Variants in PRSS23 observed in about 807,000 individuals in gnomAD.
The protein encoded by PRSS23 is protease, serine 23.
PRSS23 carries 25 observed loss-of-function variants against 34.7 expected under a neutral mutation model. The observed-to-expected ratio is 0.72, with a 90% CI of 0.53 to 1.01. PRSS23 has a LOEUF of 1.01. Among genes scored for constraint, PRSS23 ranks in the 50% least tolerant of loss-of-function variants. The pLI, the probability that PRSS23 is intolerant of heterozygous loss-of-function variation, is 0.00. For missense variants in PRSS23, 445 were observed against 475.6 expected, an observed-to-expected ratio of 0.94 and a Z score of 0.60; for synonymous variants, 176 against 186.6, an observed-to-expected ratio of 0.94 and a Z score of 0.46.
chr11:86,803,650 T>C (rs72969425), intron 1 of PRSS23, among the ~76,000 whole-genome samples: 13,404 of 152,148 alleles, frequency 0.088, 824 homozygotes, highest in Non-Finnish European at 0.12. Flanking sequence ...AGGAGGGTTG[T>C]TTCCCCCTCA....
chr11:86,855,740 A>T (rs1948565410), intron 2 of PRSS23, among the ~76,000 whole-genome samples: 1 of 152,158 alleles, frequency 6.6e-6, no homozygotes, highest in Admixed American at 6.5e-5. Flanking sequence ...GCCTCAAGTG[A>T]TCCGTCTGAT....
intron 2 of PRSS23, among the ~76,000 whole-genome samples, chr11:86,900,412 G>T (rs933090936): frequency 1.3e-5 from 2 of 152,180 alleles, no homozygotes; most frequent in Non-Finnish European, 2.9e-5. Context: ...TTTCTTAAAT[G>T]CATATCTGAT....
chr11:86,856,879 T>C (rs1948575155), intron 2 of PRSS23, among the ~76,000 whole-genome samples: 1 of 151,932 alleles, frequency 6.6e-6, no homozygotes, highest in Admixed American at 6.6e-5. Flanking sequence ...AAACAAAGGA[T>C]CCCAGAATAC....
At chr11:86,806,912 G>A (rs992621359) in intron 1 of PRSS23, among the ~76,000 whole-genome samples, 2 of 152,170 alleles carry the variant, frequency 1.3e-5, no homozygotes, top group Non-Finnish European at 2.9e-5. Flanking sequence ...TCCTGGTAGT[G>A]TACAACATAA....
chr11:86,924,044 T>C (rs1255436503), intron 2 of PRSS23, among the ~76,000 whole-genome samples: 1 of 152,158 alleles, frequency 6.6e-6, no homozygotes, highest in Non-Finnish European at 1.5e-5. Flanking sequence ...GCTTGGTAGA[T>C]CATTGACACC....
intron 2 of PRSS23, chr11:86,932,941 C>CA (rs1208516020): frequency 2.0e-5 from 3 of 152,184 alleles, no homozygotes; most frequent in Non-Finnish European, 4.4e-5. Context: ...CAAAAGTGGA[C>CA]AAAATCACAC....
At chr11:86,952,054 A>C (rs747424675) in exon 3 of PRSS23, 1 of 1,614,136 alleles carries the variant, frequency 6.2e-7, no homozygotes, top group Non-Finnish European at 8.5e-7. Context: ...CTGTGAAGGC[A>C]GTGGAGATGA....
At chr11:86,886,781 A>G (rs1297527853) in intron 2 of PRSS23, among the ~76,000 whole-genome samples, 1 of 152,042 alleles carries the variant, frequency 6.6e-6, no homozygotes, top group Non-Finnish European at 1.5e-5. Context: ...TTTACTAAAA[A>G]TACAAAAATT....
chr11:86,929,267 A>C (rs1022081019), intron 2 of PRSS23, among the ~76,000 whole-genome samples: 2 of 151,508 alleles, frequency 1.3e-5, no homozygotes, highest in African/African-American at 4.9e-5. Context: ...GGTTGCGGTG[A>C]GCCAAGATCG....
At chr11:86,897,841 G>A (rs193045004) in intron 2 of PRSS23, among the ~76,000 whole-genome samples, 2 of 152,286 alleles carry the variant, frequency 1.3e-5, no homozygotes, top group East Asian at 1.9e-4. Context: ...TGCTCTTTGC[G>A]CTCAGCATCT....
At chr11:86,824,726 A>G (rs889511301) in intron 2 of PRSS23, among the ~76,000 whole-genome samples, 10 of 146,988 alleles carry the variant, frequency 6.8e-5, no homozygotes, top group Admixed American at 4.2e-4. Flanking sequence ...GAGAATATGC[A>G]GTGTTTGCTT....
At chr11:86,827,617 T>G (rs185376332) in intron 2 of PRSS23, among the ~76,000 whole-genome samples, 2 of 152,204 alleles carry the variant, frequency 1.3e-5, no homozygotes, top group Non-Finnish European at 2.9e-5. Context: ...TCCTGCTTTC[T>G]CTTGTGGGCA....
At chr11:86,792,483 A>C (rs1485717653) in intron 1 of PRSS23, among the ~76,000 whole-genome samples, 1 of 152,184 alleles carries the variant, frequency 6.6e-6, no homozygotes, top group African/African-American at 2.4e-5. Context: ...TAGCCACTTC[A>C]TTAAAGTATC....
chr11:86,874,510 G>T (rs1948709566), intron 2 of PRSS23, among the ~76,000 whole-genome samples: 1 of 152,210 alleles, frequency 6.6e-6, no homozygotes, highest in Non-Finnish European at 1.5e-5. Context: ...CCATCCGCCA[G>T]TCATGCTGTC....
intron 2 of PRSS23, chr11:86,857,807 C>G: frequency 3.5e-6 from 3 of 860,012 alleles, no homozygotes; most frequent in Non-Finnish European, 3.6e-6. Flanking sequence ...AAACCAATGT[C>G]AGCCCAGGAC....
chr11:86,900,781 C>CTCTCTCTCTTTTTTTTTTTTTTTTTT (rs775258446), intron 2 of PRSS23, among the ~76,000 whole-genome samples: 1 of 94,018 alleles, frequency 1.1e-5, no homozygotes, highest in African/African-American at 4.5e-5. Context: ...ATCTCTCTCT[C>CTCTCTCTCTTTTTTTTTTTTTTTTTT]TTTTTTTTTT....
chr11:86,806,385 T>C (rs1948101379), intron 1 of PRSS23, among the ~76,000 whole-genome samples: 1 of 152,244 alleles, frequency 6.6e-6, no homozygotes, highest in African/African-American at 2.4e-5. Context: ...GGAAAATTTC[T>C]AGGCAATTTG....
intron 2 of PRSS23, among the ~76,000 whole-genome samples, chr11:86,919,457 TTC>T (rs1355571404): frequency 2.0e-5 from 3 of 152,182 alleles, no homozygotes; most frequent in African/African-American, 7.2e-5. Flanking sequence ...CATTCTTTTC[TTC>T]TCTCTCTCTT....
intron 2 of PRSS23, among the ~76,000 whole-genome samples, chr11:86,853,151 G>C (rs1165128653): frequency 1.3e-5 from 2 of 150,568 alleles, no homozygotes; most frequent in Non-Finnish European, 2.9e-5. Flanking sequence ...ACTGAGCCCG[G>C]TCGTGTTTAT....
Sources: allele counts gnomAD v4.1 joint callset (sites outside exome capture counted in the v4.1 genomes callset), GRCh38; gene constraint gnomAD v4.1.1; transcripts MANE v1.5; gene names NCBI Gene and HGNC (gene_info 2026-07-23, HGNC 2026-07-21).